HCN1: variants seen among roughly 807,000 people sequenced by gnomAD.
HCN1 encodes the protein potassium/sodium hyperpolarization-activated cyclic nucleotide-gated channel 1.
In HCN1, 13 loss-of-function variants were observed where a neutral mutation model predicts 78.9. That is an observed-to-expected ratio of 0.16 (90% CI 0.11 to 0.26). HCN1 has a LOEUF of 0.26. Among genes scored for constraint, HCN1 ranks in the 10% least tolerant of loss-of-function variants. The probability of loss-of-function intolerance (pLI) is 1.00; values close to 1 mark genes in which losing one functional copy is unlikely to be tolerated. For synonymous variants in HCN1, 552 were observed against 455.5 expected (o/e 1.21, Z -2.70); for missense variants, 810 against 1,154.3 (o/e 0.70, Z 4.32).
chr5:45,429,121 C>T (rs1260653100), intron 3 of HCN1, among the ~76,000 whole-genome samples: 1 of 152,048 alleles, frequency 6.6e-6, no homozygotes, highest in Non-Finnish European at 1.5e-5. Flanking sequence ...GGAACTGATG[C>T]TCAAAGAAGT....
At chr5:45,271,519 C>G (rs951848203) in intron 6 of HCN1, among the ~76,000 whole-genome samples, 1 of 152,126 alleles carries the variant, frequency 6.6e-6, no homozygotes, top group African/African-American at 2.4e-5. Flanking sequence ...ATTAGACACC[C>G]ATTTATATTC....
At chr5:45,282,258 T>C (rs1745183751) in intron 6 of HCN1, among the ~76,000 whole-genome samples, 1 of 152,208 alleles carries the variant, frequency 6.6e-6, no homozygotes. Flanking sequence ...GTAAAAGAAA[T>C]GGGCTTTAAA....
intron 6 of HCN1, among the ~76,000 whole-genome samples, chr5:45,275,457 A>G (rs1276534290): frequency 6.6e-6 from 1 of 152,168 alleles, no homozygotes; most frequent in Non-Finnish European, 1.5e-5. Flanking sequence ...TGTTTGTAAC[A>G]TGATTGTTTG....
intron 2 of HCN1, among the ~76,000 whole-genome samples, chr5:45,502,801 T>C (rs919490881): frequency 6.6e-6 from 1 of 152,280 alleles, no homozygotes; most frequent in East Asian, 1.9e-4. Context: ...ATAATAATAA[T>C]AGTTTAAAAA....
chr5:45,593,551 TC>T (rs1487629977), intron 2 of HCN1, among the ~76,000 whole-genome samples: 1 of 152,028 alleles, frequency 6.6e-6, no homozygotes, highest in Admixed American at 6.6e-5. Flanking sequence ...ACAAGGAACC[TC>T]ATTTAACCTT....
intron 3 of HCN1, 33 bp from the exon 4 acceptor site, chr5:45,396,743 G>T: frequency 6.5e-7 from 1 of 1,546,594 alleles, no homozygotes; most frequent in Non-Finnish European, 8.9e-7. Context: ...AATTGACTGA[G>T]CCATTAGGAT....
intron 4 of HCN1, 107 bp from the exon 5 acceptor site, chr5:45,353,353 A>G (rs1236856993): frequency 1.2e-6 from 1 of 823,436 alleles, no homozygotes; most frequent in Non-Finnish European, 2.0e-6. Context: ...CTCAGTTACA[A>G]AAAAAAAGAA....
At chr5:45,443,852 G>T (rs1403985560) in intron 3 of HCN1, among the ~76,000 whole-genome samples, 1 of 151,948 alleles carries the variant, frequency 6.6e-6, no homozygotes, top group Non-Finnish European at 1.5e-5. Context: ...AAGACAAATA[G>T]AATCAATATT....
intron 4 of HCN1, among the ~76,000 whole-genome samples, chr5:45,373,332 T>C (rs986675434): frequency 3.3e-5 from 4 of 122,260 alleles, no homozygotes; most frequent in Admixed American, 1.0e-4. Context: ...ATATTTCATA[T>C]ATTTAATATA....
At chr5:45,682,454 A>G (rs901619896) in intron 1 of HCN1, among the ~76,000 whole-genome samples, 3 of 151,764 alleles carry the variant, frequency 2.0e-5, no homozygotes, top group African/African-American at 7.3e-5. Flanking sequence ...ACACTAAATT[A>G]TTGTTTTTTA....
At chr5:45,307,893 T>A (rs543991284) in intron 5 of HCN1, among the ~76,000 whole-genome samples, 8 of 152,096 alleles carry the variant, frequency 5.3e-5, no homozygotes, top group Non-Finnish European at 8.8e-5. Flanking sequence ...GGAAATTGGA[T>A]GTGATGTACA....
chr5:45,693,588 T>C (rs1739953944), intron 1 of HCN1, among the ~76,000 whole-genome samples: 1 of 152,134 alleles, frequency 6.6e-6, no homozygotes, highest in Non-Finnish European at 1.5e-5. Flanking sequence ...TGTTCCTTTG[T>C]TCAGTAACAA....
At chr5:45,658,162 T>C (rs1181946515) in intron 1 of HCN1, among the ~76,000 whole-genome samples, 2 of 152,152 alleles carry the variant, frequency 1.3e-5, no homozygotes, top group Non-Finnish European at 2.9e-5. Flanking sequence ...TAATAAATGG[T>C]GCTGGGAAAA....
chr5:45,421,855 G>T (rs992299483), intron 3 of HCN1, among the ~76,000 whole-genome samples: 7 of 152,074 alleles, frequency 4.6e-5, no homozygotes, highest in Admixed American at 1.3e-4. Context: ...GCATTTCCTT[G>T]GTGCTTGCAC....
intron 2 of HCN1, chr5:45,576,357 G>C (rs1183015400): frequency 6.6e-6 from 1 of 152,178 alleles, no homozygotes; most frequent in Non-Finnish European, 1.5e-5. Context: ...AGCAGAAGCA[G>C]AGGCAGTGTT....
chr5:45,665,740 A>G (rs1746032227), intron 1 of HCN1, among the ~76,000 whole-genome samples: 1 of 152,136 alleles, frequency 6.6e-6, no homozygotes, highest in African/African-American at 2.4e-5. Context: ...ATGGTGTCAC[A>G]TAACAGAAAA....
At chr5:45,466,691 A>G (rs996611513) in intron 2 of HCN1, among the ~76,000 whole-genome samples, 1 of 152,180 alleles carries the variant, frequency 6.6e-6, no homozygotes, top group Non-Finnish European at 1.5e-5. Flanking sequence ...CTCAATATGT[A>G]ATAGTCCTAA....
intron 2 of HCN1, among the ~76,000 whole-genome samples, chr5:45,569,843 T>C (rs548622807): frequency 6.6e-6 from 1 of 152,130 alleles, no homozygotes; most frequent in South Asian, 2.1e-4. Context: ...TCATCATCCT[T>C]ATCCTCATCA....
chr5:45,598,763 A>G (rs1744559217), intron 2 of HCN1, among the ~76,000 whole-genome samples: 1 of 152,228 alleles, frequency 6.6e-6, no homozygotes, highest in Non-Finnish European at 1.5e-5. Flanking sequence ...AGATATGAAC[A>G]GACACTTCTC....
Sources: allele counts gnomAD v4.1 joint callset (sites outside exome capture counted in the v4.1 genomes callset), GRCh38; gene constraint gnomAD v4.1.1; transcripts MANE v1.5; gene names NCBI Gene and HGNC (gene_info 2026-07-23, HGNC 2026-07-21).